The following NCKAP5 variants were observed in gnomAD, a reference collection of about 807,000 sequenced individuals.
The protein encoded by NCKAP5 is nck-associated protein 5.
NCKAP5 carries 92 observed loss-of-function variants against 167.0 expected under a neutral mutation model. That is an observed-to-expected ratio of 0.55 (90% CI 0.47 to 0.66). The LOEUF (loss-of-function observed/expected upper bound fraction) is 0.66. NCKAP5 is among the 30% of genes least tolerant of loss of function. The pLI, the probability that NCKAP5 is intolerant of heterozygous loss-of-function variation, is 0.00. For missense variants in NCKAP5, 2,378 were observed against 2,315.0 expected (o/e 1.03, Z -0.56); for synonymous variants, 891 against 877.4 (o/e 1.02, Z -0.27).
the NCKAP5 span, among the ~76,000 whole-genome samples, chr2:133,594,741 T>C: frequency 6.6e-6 from 1 of 152,196 alleles, no homozygotes; most frequent in Non-Finnish European, 1.5e-5. Context: ...AAAAGAAACT[T>C]TGATACAAAG....
chr2:132,824,591 C>A (rs1392431327), intron 11 of NCKAP5, among the ~76,000 whole-genome samples: 1 of 152,194 alleles, frequency 6.6e-6, no homozygotes, highest in Non-Finnish European at 1.5e-5. Flanking sequence ...ATGGTGGTCA[C>A]AAGTGCTGCC....
chr2:133,376,319 A>G (rs912961157), intron 3 of NCKAP5, among the ~76,000 whole-genome samples: 1 of 152,124 alleles, frequency 6.6e-6, no homozygotes, highest in Admixed American at 6.6e-5. Context: ...TTCAAACCCA[A>G]CTAAAACCAT....
chr2:132,867,715 T>C (rs1236225599), intron 10 of NCKAP5, among the ~76,000 whole-genome samples: 1 of 152,130 alleles, frequency 6.6e-6, no homozygotes, highest in Non-Finnish European at 1.5e-5. Flanking sequence ...AATACAGAGA[T>C]GGAAGCTAGG....
At chr2:133,126,093 G>T (rs1027405246) in intron 6 of NCKAP5, among the ~76,000 whole-genome samples, 2 of 152,182 alleles carry the variant, frequency 1.3e-5, no homozygotes, top group African/African-American at 4.8e-5. Flanking sequence ...AGCTGAAACT[G>T]CATAAAATTA....
intron 6 of NCKAP5, among the ~76,000 whole-genome samples, chr2:133,068,523 G>C (rs1248058223): frequency 6.6e-6 from 1 of 152,198 alleles, no homozygotes; most frequent in Non-Finnish European, 1.5e-5. Flanking sequence ...AAACTACACT[G>C]AGCAAGGGGC....
intron 16 of NCKAP5, among the ~76,000 whole-genome samples, chr2:132,768,236 A>C (rs538954779): frequency 6.6e-6 from 1 of 152,308 alleles, no homozygotes; most frequent in Admixed American, 6.5e-5. Context: ...GTTCTGCTTC[A>C]ATAATATTCT....
At chr2:133,665,164 C>T in the NCKAP5 span, among the ~76,000 whole-genome samples, 1 of 152,204 alleles carries the variant, frequency 6.6e-6, no homozygotes, top group Non-Finnish European at 1.5e-5. Context: ...ACTGGAGTAA[C>T]ACTTTTAATT....
In NCKAP5 at chr2:132,784,660, A is replaced by G. The variant is rs756842347; in HGVS notation, c.2151T>C (p.Ile717=). ...AEHTELLPQG[I]ACLQPRAAAR... ...CAGCAGCTCTTGGCTGTAAACAAGC[A>G]ATTCCCTGAGGTAAAAGCTCAGTAT... Residue 717 remains isoleucine, a synonymous_variant, in exon 14 of 20, where the codon ATT becomes ATC. Coordinates refer to ENST00000409261, the MANE Select transcript of NCKAP5 (RefSeq NM_207363.3). 77 of 1,613,860 alleles carry G rather than the reference A, an allele frequency of 4.8e-5. 1 individual carries two copies. The South Asian group carries it at 7.9e-4, about 17-fold the overall frequency.
At chr2:133,168,860 T>C (rs751830053) in intron 5 of NCKAP5, among the ~76,000 whole-genome samples, 9 of 152,124 alleles carry the variant, frequency 5.9e-5, no homozygotes, top group Non-Finnish European at 1.2e-4. Flanking sequence ...AAAGAGTGTA[T>C]TCCTCACTGT....
chr2:133,026,858 T>C (rs916673244), intron 6 of NCKAP5, among the ~76,000 whole-genome samples: 1 of 152,186 alleles, frequency 6.6e-6, no homozygotes, highest in African/African-American at 2.4e-5. Flanking sequence ...TGAATATTTT[T>C]AGCTATGGTC....
In NCKAP5 at chr2:132,844,768, T is replaced by C. The variant is rs74455986; in HGVS notation, c.807+15724A>G. On this transcript the variant is annotated intron_variant, in intron 11 of 19. Transcript: ENST00000409261. ...TGTCTCACATGTCACCCTCTGCACATGAATGACGGTTTCTATAAATATGGA... is the reference window on the plus strand; with the variant it reads ...TGTCTCACATGTCACCCTCTGCACACGAATGACGGTTTCTATAAATATGGA... Among the ~76,000 whole-genome samples the C allele has an allele frequency of 3.0e-3, 459 of 152,272 alleles. 2 individuals carry two copies. Among genetic ancestry groups the C allele is most frequent in the African/African-American group, 0.011 (443 of 41,574 alleles).
chr2:133,261,675 A>G (rs2088914558), intron 4 of NCKAP5, among the ~76,000 whole-genome samples: 1 of 152,192 alleles, frequency 6.6e-6, no homozygotes, highest in Admixed American at 6.5e-5. Flanking sequence ...GTTAACTGAA[A>G]TGTCGAAGCT....
chr2:133,145,644 A>C (rs2083164698), intron 5 of NCKAP5, among the ~76,000 whole-genome samples: 1 of 152,100 alleles, frequency 6.6e-6, no homozygotes, highest in Non-Finnish European at 1.5e-5. Flanking sequence ...CGTAACTTTT[A>C]CCAACAACTT....
At chr2:133,390,489 G>T (rs555615120) in intron 3 of NCKAP5, among the ~76,000 whole-genome samples, 35 of 152,234 alleles carry the variant, frequency 2.3e-4, no homozygotes, top group African/African-American at 8.4e-4. Context: ...TGCTTTCCTA[G>T]GCTAAGATCT....
chr2:133,099,521 G>A (rs1337868252), intron 6 of NCKAP5, among the ~76,000 whole-genome samples: 2 of 152,148 alleles, frequency 1.3e-5, no homozygotes, highest in Non-Finnish European at 2.9e-5. Flanking sequence ...AGTACATATT[G>A]GGGTCACTGC....
chr2:133,481,425 C>T (rs1009460165), intron 3 of NCKAP5, among the ~76,000 whole-genome samples: 1 of 152,156 alleles, frequency 6.6e-6, no homozygotes, highest in Non-Finnish European at 1.5e-5. Context: ...GTGTCCATCT[C>T]CCAAGCACAA....
intron 16 of NCKAP5, among the ~76,000 whole-genome samples, chr2:132,773,444 A>T (rs1293042338): frequency 6.6e-6 from 1 of 152,222 alleles, no homozygotes; most frequent in East Asian, 1.9e-4. Context: ...ATTTGCTACT[A>T]CGTGTAAAAC....
At chr2:132,978,707 G>A (rs577054661) in intron 7 of NCKAP5, among the ~76,000 whole-genome samples, 2 of 152,094 alleles carry the variant, frequency 1.3e-5, no homozygotes, top group Non-Finnish European at 2.9e-5. Context: ...GACAATAGTC[G>A]GGAAACATGG....
rs968969819 is a variant in NCKAP5, at chr2:133,191,915, T to TA, written c.207+21800dup. Among the ~76,000 whole-genome samples, 258 of 149,202 alleles carry TA rather than the reference T, an allele frequency of 1.7e-3. 1 individual carries two copies. Among genetic ancestry groups the TA allele is most frequent in the African/African-American group, 5.9e-3 (241 of 40,790 alleles). ...CACATGTACCCTAGAACTTAAAGTA[T>TA]AAAAAAAAAATTCCAGTGAGATATT... On this transcript the variant is annotated intron_variant, in intron 5 of 19. Coordinates refer to ENST00000409261, the MANE Select transcript of NCKAP5 (RefSeq NM_207363.3).
Sources: gnomAD v4.1 joint callset for allele counts (sites outside exome capture counted in the v4.1 genomes callset) on GRCh38, gnomAD v4.1.1 for gene constraint, MANE v1.5 for transcripts, NCBI Gene and HGNC (gene_info 2026-07-23, HGNC 2026-07-21) for gene names.